DMTF1: variants seen among roughly 807,000 people sequenced by gnomAD.
DMTF1 encodes cyclin-D-binding Myb-like transcription factor 1.
DMTF1 carries 39 observed loss-of-function variants against 91.1 expected under a neutral mutation model. That is an observed-to-expected ratio of 0.43 (90% CI 0.33 to 0.56). DMTF1 has a LOEUF of 0.56. DMTF1 is among the 20% of genes least tolerant of loss of function. DMTF1 has a pLI of 0.05. For missense variants in DMTF1, 750 were observed against 914.5 expected, an observed-to-expected ratio of 0.82 and a Z score of 2.32; for synonymous variants, 338 against 309.5, an observed-to-expected ratio of 1.09 and a Z score of -0.97.
At position 87,196,135 on chromosome 7, in the gene DMTF1, T is replaced by TATAGA. The variant is rs2129213993; in HGVS notation, c.*997_*1001dup. 6.5e-6 allele frequency: 1 copy of TATAGA among 153,524 alleles called. No individual in the cohort carries two copies. Among genetic ancestry groups the TATAGA allele is most frequent in the South Asian group, 2.1e-4 (1 of 4,862 alleles). 9.5% of individuals were successfully genotyped at this position (153,524 alleles called of 1,614,324 possible). ...TGGGCTTTTTAATGAATATGACCCC[T>TATAGA]ATAGAAAAGTCAAGAAAAAAAAACC... On this transcript the variant is annotated 3_prime_UTR_variant, in exon 18 of 18. Transcript: ENST00000331242.
At chr7:87,194,399 A>C (rs1171974106) in intron 16 of DMTF1, 1 of 480,886 alleles carries the variant, frequency 2.1e-6, no homozygotes, top group African/African-American at 2.0e-5. Flanking sequence ...GTGGTTAGTA[A>C]TCTTTGTGGT....
At chr7:87,165,399 A>G (rs900489208) in intron 3 of DMTF1, among the ~76,000 whole-genome samples, 7 of 152,222 alleles carry the variant, frequency 4.6e-5, no homozygotes, top group Admixed American at 1.3e-4. Flanking sequence ...ATTGTACACA[A>G]TCATTTCAGT....
chr7:87,190,611 T>A (rs1486826351), intron 13 of DMTF1, among the ~76,000 whole-genome samples: 1 of 152,028 alleles, frequency 6.6e-6, no homozygotes, highest in Non-Finnish European at 1.5e-5. Context: ...CTGGTGTCTG[T>A]CACAGGTACT....
At chr7:87,183,651 C>T (rs1308064602) in intron 10 of DMTF1, among the ~76,000 whole-genome samples, 1 of 152,064 alleles carries the variant, frequency 6.6e-6, no homozygotes, top group East Asian at 1.9e-4. Context: ...TTGAAATTTT[C>T]TAGAGGTTTT....
chr7:87,184,323 C>A, intron 10 of DMTF1, 74 bp from the exon 11 acceptor site: 1 of 1,403,280 alleles, frequency 7.1e-7, no homozygotes, highest in Non-Finnish European at 9.8e-7. Flanking sequence ...CCTATCAGTC[C>A]TTGTAAATAG....
In DMTF1 at chr7:87,183,861, C is replaced by T. The variant is rs573307484; in HGVS notation, c.821-536C>T. Among the ~76,000 whole-genome samples the T allele has an allele frequency of 7.9e-5, 12 of 152,256 alleles. 1 individual carries two copies. In the South Asian group the frequency reaches 8.3e-4, roughly 11 times the overall value. ...ATCAGACTTTACTAATATTTCATCA[C>T]AGTAGCTTGGAGTTGGGATAGTGAG... On this transcript the variant is annotated intron_variant, in intron 10 of 17. Transcript: ENST00000331242.
chr7:87,155,114 C>T (rs954656066), intron 1 of DMTF1, among the ~76,000 whole-genome samples: 5 of 152,266 alleles, frequency 3.3e-5, no homozygotes, highest in African/African-American at 1.2e-4. Context: ...AACAAGTATT[C>T]CTAAGGATTT....
At chr7:87,184,806 C>CA in intron 11 of DMTF1, 181 bp downstream of exon 11, 1 of 615,746 alleles carries the variant, frequency 1.6e-6, no homozygotes, top group Non-Finnish European at 2.9e-6. Context: ...GTGTTTGTTC[C>CA]TTTTTTTTTT....
chr7:87,193,964 T>C lies in DMTF1; in HGVS notation c.1890T>C (p.Ala630=). Residue 630 remains alanine (A), a synonymous_variant, in exon 16 of 18, where the codon GCT becomes GCC. Coordinates refer to ENST00000331242, the MANE Select transcript of DMTF1 (RefSeq NM_001142327.2). ...KMTVEPSFND[A]HVSKFSDQNS... is the part of the protein sequence containing the mutation. ...CTGTGGAGCCATCATTTAATGATGC[T>C]CATGTATCCAAATTCAGTGACCAAA... 1 of 1,613,352 alleles carries C rather than the reference T, an allele frequency of 6.2e-7. No homozygotes were observed. Among genetic ancestry groups the C allele is most frequent in the Non-Finnish European group, 8.5e-7 (1 of 1,179,610 alleles).
intron 1 of DMTF1, among the ~76,000 whole-genome samples, chr7:87,157,572 A>G (rs1562771077): frequency 6.6e-6 from 1 of 152,126 alleles, no homozygotes. Flanking sequence ...AGGTAGACTC[A>G]ATTGATGGAA....
Position 87,193,765 on chromosome 7 carries a change from A to G in DMTF1, c.1691A>G (p.Gln564Arg). ...AACACAAGTGATAATGTTACAGTGC[A>G]GTGTCACACACCAAGAGTCATCATT... ...LLNTSDNVTV[Q>R]CHTPRVIIQT... Residue 564 changes from glutamine (Q) to arginine (R), a missense_variant, in exon 16 of 18, where the codon CAG becomes CGG. By Grantham distance (43) the Gln-to-Arg change is conservative. Coordinates refer to ENST00000331242, the MANE Select transcript of DMTF1 (RefSeq NM_001142327.2). 6.2e-7 allele frequency: 1 copy of G among 1,612,408 alleles called. No homozygotes were observed. The highest frequency in any genetic ancestry group is 8.5e-7 in the Non-Finnish European group (1 of 1,179,112).
At position 87,179,551 on chromosome 7, in the gene DMTF1, G is replaced by A. The variant is rs778033879; in HGVS notation, c.526G>A (p.Gly176Arg). Reference protein sequence around the residue: ...NNIERYLKARGIKDATEIIFE... With the variant: ...NNIERYLKARRIKDATEIIFE... ...AGAAATGTAACCCATTTAGGCACGC[G>A]GAATAAAAGATGCTACAGAAATCAT... The change falls in exon 8 of 18, where the codon GGA (glycine) becomes AGA (arginine). Residue 176 changes from glycine to arginine, a missense_variant. By Grantham distance (125) the Gly-to-Arg change is moderately radical (BLOSUM62 -2). This residue lies in a region of DMTF1 where 190 missense variants were observed against 343.8 expected (regional missense o/e 0.55). Transcript: ENST00000331242. 1.1e-5 allele frequency: 16 copies of A among 1,518,952 alleles called. No individual in the cohort carries two copies. Among genetic ancestry groups the A allele is most frequent in the South Asian group, 1.4e-5 (1 of 72,288 alleles). 94.1% of individuals were successfully genotyped at this position (1,518,952 alleles called of 1,614,324 possible).
chr7:87,174,356 T>A (rs1007058865), intron 6 of DMTF1, among the ~76,000 whole-genome samples: 12 of 152,176 alleles, frequency 7.9e-5, no homozygotes, highest in Non-Finnish European at 1.6e-4. Flanking sequence ...TAATTTTTTT[T>A]AAATCTTTTA....
At chr7:87,186,094 C>A in intron 12 of DMTF1, 114 bp downstream of exon 12, 1 of 1,060,998 alleles carries the variant, frequency 9.4e-7, no homozygotes, top group Non-Finnish European at 1.4e-6. Flanking sequence ...CAGATTTCTA[C>A]TTACACCACT....
chr7:87,153,581 T>C (rs747545249), intron 1 of DMTF1, among the ~76,000 whole-genome samples: 1 of 152,210 alleles, frequency 6.6e-6, no homozygotes, highest in Non-Finnish European at 1.5e-5. Context: ...TTTCTCTCAT[T>C]GAATTTGTGT....
At chr7:87,193,499 C>T in intron 15 of DMTF1, 146 bp downstream of exon 15, 3 of 869,228 alleles carry the variant, frequency 3.5e-6, no homozygotes, top group Admixed American at 5.0e-5. Flanking sequence ...ACTCTGCCTT[C>T]ACTGGAGTGT....
chr7:87,179,432 A>AC (rs747208390), intron 7 of DMTF1, 113 bp from the exon 8 acceptor site: 7 of 823,312 alleles, frequency 8.5e-6, no homozygotes, highest in Non-Finnish European at 1.2e-5. Flanking sequence ...GTGATATATT[A>AC]TTTTTCTAAA....
At chr7:87,160,152 G>A (rs1430276753) in intron 1 of DMTF1, among the ~76,000 whole-genome samples, 2 of 151,726 alleles carry the variant, frequency 1.3e-5, no homozygotes, top group Non-Finnish European at 1.5e-5. Context: ...ATTCACCACC[G>A]TTTCTTAGTC....
chr7:87,175,107 C>T, intron 7 of DMTF1, among the ~76,000 whole-genome samples: 1 of 151,252 alleles, frequency 6.6e-6, no homozygotes. Context: ...CAACCTCCGT[C>T]TCTTGGGCTC....
Sources: allele counts gnomAD v4.1 joint callset (sites outside exome capture counted in the v4.1 genomes callset), GRCh38; gene constraint gnomAD v4.1.1; regional missense constraint gnomAD v4.1.1; transcripts MANE v1.5; gene names NCBI Gene and HGNC (gene_info 2026-07-23, HGNC 2026-07-21).